The following PPM1L variants were observed in gnomAD, a reference collection of about 807,000 sequenced individuals.
PPM1L encodes the protein protein phosphatase, Mg2+/Mn2+ dependent 1L, also known as protein phosphatase 1L.
Under a neutral mutation model 31.4 loss-of-function variants are expected in PPM1L, and 13 were observed. The observed-to-expected ratio is 0.41, with a 90% CI of 0.27 to 0.66. The LOEUF is 0.66. PPM1L is among the 30% of genes least tolerant of loss of function. PPM1L has a pLI of 0.29. For synonymous variants in PPM1L, 184 were observed against 175.4 expected (o/e 1.05, Z -0.39); for missense variants, 326 against 453.7 (o/e 0.72, Z 2.56).
intron 1 of PPM1L, among the ~76,000 whole-genome samples, chr3:160,913,599 A>G (rs1714046410): frequency 6.6e-6 from 1 of 152,122 alleles, no homozygotes; most frequent in South Asian, 2.1e-4. Flanking sequence ...GCCCTCTGTC[A>G]TTATAGATGT....
chr3:160,924,283 A>T (rs766547895), intron 1 of PPM1L, among the ~76,000 whole-genome samples: 12 of 152,156 alleles, frequency 7.9e-5, no homozygotes, highest in Non-Finnish European at 1.6e-4. Flanking sequence ...GAAATTTTGG[A>T]TACATTGAAG....
At chr3:161,015,343 G>A (rs1415904946) in intron 2 of PPM1L, among the ~76,000 whole-genome samples, 1 of 152,176 alleles carries the variant, frequency 6.6e-6, no homozygotes, top group Non-Finnish European at 1.5e-5. Flanking sequence ...CCAGGGCCTG[G>A]AGATAATGCA....
intron 2 of PPM1L, among the ~76,000 whole-genome samples, chr3:160,988,227 G>C (rs79240061): frequency 0.019 from 2,832 of 152,204 alleles, 81 homozygotes; most frequent in African/African-American, 0.063. Flanking sequence ...TGACGTTTAC[G>C]TTATTAATGT....
At chr3:160,803,369 A>G (rs1209841458) in intron 1 of PPM1L, among the ~76,000 whole-genome samples, 3 of 152,134 alleles carry the variant, frequency 2.0e-5, no homozygotes, top group Admixed American at 1.3e-4. Flanking sequence ...TATTTTAGAG[A>G]GATCACTGGT....
At chr3:160,845,409 A>G (rs748040735) in intron 1 of PPM1L, among the ~76,000 whole-genome samples, 8 of 152,036 alleles carry the variant, frequency 5.3e-5, no homozygotes, top group Admixed American at 2.0e-4. Context: ...TATTAGATAT[A>G]TGATTTGCAA....
intron 2 of PPM1L, among the ~76,000 whole-genome samples, chr3:161,033,219 A>T (rs1273569792): frequency 6.6e-6 from 1 of 152,202 alleles, no homozygotes; most frequent in Non-Finnish European, 1.5e-5. Flanking sequence ...AAAATGTTTC[A>T]TGCTCATGGA....
intron 1 of PPM1L, among the ~76,000 whole-genome samples, chr3:160,932,874 T>C (rs539475136): frequency 6.6e-6 from 1 of 152,314 alleles, no homozygotes; most frequent in African/African-American, 2.4e-5. Flanking sequence ...TGCTTCAGTT[T>C]TCTCATTGGG....
chr3:160,793,133 C>T (rs59252691), intron 1 of PPM1L, among the ~76,000 whole-genome samples: 3,955 of 152,130 alleles, frequency 0.026, 169 homozygotes, highest in African/African-American at 0.087. Context: ...GTGAGATTAC[C>T]CTCGCCCACC....
chr3:160,919,051 G>A (rs927808466), intron 1 of PPM1L, among the ~76,000 whole-genome samples: 6 of 152,162 alleles, frequency 3.9e-5, no homozygotes, highest in African/African-American at 1.4e-4. Context: ...GAAAAAGCTC[G>A]TGAAATCTCC....
chr3:160,879,576 G>A (rs190799009), intron 1 of PPM1L, among the ~76,000 whole-genome samples: 78 of 152,266 alleles, frequency 5.1e-4, no homozygotes, highest in Non-Finnish European at 8.8e-4. Context: ...AGGATCCTGT[G>A]AATTAGTGAG....
intron 2 of PPM1L, among the ~76,000 whole-genome samples, chr3:160,981,753 T>TTTAA (rs1292875518): frequency 1.3e-5 from 2 of 149,724 alleles, no homozygotes; most frequent in African/African-American, 4.9e-5. Flanking sequence ...TATTTATTTA[T>TTTAA]TTATTTATTT....
chr3:160,788,238 A>G (rs1029669147), intron 1 of PPM1L, among the ~76,000 whole-genome samples: 5 of 152,180 alleles, frequency 3.3e-5, no homozygotes, highest in East Asian at 3.9e-4. Flanking sequence ...GGTTCTTTCT[A>G]TCCATGAGCA....
chr3:160,975,796 A>T (rs1404305994), intron 2 of PPM1L, among the ~76,000 whole-genome samples: 1 of 151,674 alleles, frequency 6.6e-6, no homozygotes, highest in Non-Finnish European at 1.5e-5. Flanking sequence ...GGTTTTCTAG[A>T]TATACAATCA....
At chr3:161,046,006 G>A (rs1029112094) in intron 2 of PPM1L, among the ~76,000 whole-genome samples, 2 of 150,306 alleles carry the variant, frequency 1.3e-5, no homozygotes, top group Admixed American at 6.7e-5. Flanking sequence ...AGCTACTCGG[G>A]AGGCTGAGGC....
intron 1 of PPM1L, among the ~76,000 whole-genome samples, chr3:160,857,151 G>GA (rs1711736512): frequency 6.6e-6 from 1 of 152,080 alleles, no homozygotes; most frequent in Admixed American, 6.5e-5. Context: ...TTGTTTCCAG[G>GA]AAAAATACGG....
intron 1 of PPM1L, among the ~76,000 whole-genome samples, chr3:160,808,412 T>TGCGCGCGTGC (rs1320794227): frequency 8.2e-6 from 1 of 122,412 alleles, no homozygotes; most frequent in Admixed American, 8.0e-5. Flanking sequence ...TGTGTGTGTG[T>TGCGCGCGTGC]GTGTGTGTGT....
chr3:160,904,034 A>G (rs1576702794), intron 1 of PPM1L, among the ~76,000 whole-genome samples: 2 of 152,158 alleles, frequency 1.3e-5, no homozygotes, highest in African/African-American at 4.8e-5. Context: ...ATTGTCTTGG[A>G]TGAAACTACT....
At chr3:161,059,562 AT>A (rs1273989339) in intron 2 of PPM1L, among the ~76,000 whole-genome samples, 1 of 152,048 alleles carries the variant, frequency 6.6e-6, no homozygotes, top group Non-Finnish European at 1.5e-5. Context: ...TCATCTATTA[AT>A]TTGCTTATTT....
chr3:160,923,911 AG>A (rs1159166038), intron 1 of PPM1L, among the ~76,000 whole-genome samples: 3 of 152,276 alleles, frequency 2.0e-5, no homozygotes, highest in Non-Finnish European at 2.9e-5. Flanking sequence ...TTTTCTTCTC[AG>A]GGGAAGCAGA....
Sources: allele counts gnomAD v4.1 joint callset (sites outside exome capture counted in the v4.1 genomes callset), GRCh38; gene constraint gnomAD v4.1.1; transcripts MANE v1.5; gene names NCBI Gene and HGNC (gene_info 2026-07-23, HGNC 2026-07-21).